The following CKAP5 variants were observed in gnomAD, a reference collection of about 807,000 sequenced individuals.
CKAP5 encodes cytoskeleton-associated protein 5.
CKAP5 carries 27 observed loss-of-function variants against 232.8 expected under a neutral mutation model. That is an observed-to-expected ratio of 0.12 (90% CI 0.09 to 0.16). CKAP5 has a LOEUF of 0.16. Among genes scored for constraint, CKAP5 ranks in the 10% least tolerant of loss-of-function variants. The probability of loss-of-function intolerance (pLI) is 1.00; values close to 1 mark genes in which losing one functional copy is unlikely to be tolerated. For missense variants in CKAP5, 1,838 were observed against 2,424.7 expected, an observed-to-expected ratio of 0.76 and a Z score of 5.08; for synonymous variants, 785 against 841.1, an observed-to-expected ratio of 0.93 and a Z score of 1.16.
rs1440533320 is a variant in CKAP5 at position 46,833,332 on chromosome 11, A to C, written c.-37-12064T>G. Among the ~76,000 whole-genome samples the C allele has an allele frequency of 2.0e-5, 3 of 152,160 alleles. No individual in the cohort carries two copies. The East Asian group carries it at 5.8e-4, about 29-fold the overall frequency. On this transcript the variant is annotated intron_variant, in intron 1 of 43. Transcript: ENST00000529230. Reference sequence around the variant, plus strand: ...GAACAAAAATATGACCCATGTGACCAAATAAGAGAAAGGCTGATTGGAAAG... The same window carrying C: ...GAACAAAAATATGACCCATGTGACCCAATAAGAGAAAGGCTGATTGGAAAG...
chr11:46,760,629 G>A lies in CKAP5; in HGVS notation c.4377C>T (p.Asp1459=), dbSNP rs57477011. ...ANMLRKGPAE[D]MSSKLNQARS... ...CTACATACTTGAGTTTGGAAGACATGTCCTCAGCTGGTCCCTTGCGTAACA... is the reference window on the plus strand; with the variant it reads ...CTACATACTTGAGTTTGGAAGACATATCCTCAGCTGGTCCCTTGCGTAACA... Residue 1459 remains aspartate (D), a synonymous_variant, in exon 33 of 44, where the codon GAC becomes GAT. Transcript: ENST00000529230. The A allele has an allele frequency of 0.016, 25,397 of 1,614,150 alleles. 1,265 individuals are homozygous for A. The highest frequency in any genetic ancestry group is 0.15 in the South Asian group (13,642 of 91,080).
chr11:46,811,966 A>G (rs754757829), intron 4 of CKAP5, among the ~76,000 whole-genome samples: 1 of 152,176 alleles, frequency 6.6e-6, no homozygotes, highest in Non-Finnish European at 1.5e-5. Flanking sequence ...ATCACACTAT[A>G]ACTCTGGGCA....
At chr11:46,769,136 T>C (rs2065227632) in intron 26 of CKAP5, among the ~76,000 whole-genome samples, 2 of 152,118 alleles carry the variant, frequency 1.3e-5, no homozygotes, top group African/African-American at 4.8e-5. Flanking sequence ...GCCAGGCTGA[T>C]CTCAAACTCC....
At chr11:46,745,608 C>T (rs1276870530) in intron 42 of CKAP5, among the ~76,000 whole-genome samples, 2 of 152,110 alleles carry the variant, frequency 1.3e-5, no homozygotes, top group Non-Finnish European at 1.5e-5. Flanking sequence ...TTCTGCACAC[C>T]ACACTTTAAC....
At chr11:46,745,781 C>T (rs1286223475) in intron 42 of CKAP5, among the ~76,000 whole-genome samples, 1 of 151,694 alleles carries the variant, frequency 6.6e-6, no homozygotes, top group Admixed American at 6.6e-5. Context: ...ATGGTGAAAC[C>T]CTCTTAAAAA....
intron 16 of CKAP5, among the ~76,000 whole-genome samples, chr11:46,785,591 C>T (rs1382743700): frequency 6.6e-6 from 1 of 152,192 alleles, no homozygotes; most frequent in Non-Finnish European, 1.5e-5. Flanking sequence ...GATCTCACCT[C>T]AGCCTCTCCA....
chr11:46,819,672 A>G (rs1939483648), intron 2 of CKAP5, among the ~76,000 whole-genome samples: 1 of 152,186 alleles, frequency 6.6e-6, no homozygotes, highest in Non-Finnish European at 1.5e-5. Flanking sequence ...AATTGAATTG[A>G]TTCAATTAAT....
chr11:46,783,219 C>A, intron 18 of CKAP5, 55 bp downstream of exon 18: 1 of 1,028,076 alleles, frequency 9.7e-7, no homozygotes, highest in Non-Finnish European at 1.5e-6. Flanking sequence ...AACAGCACGA[C>A]TTAGAGACTG....
Position 46,755,014 on chromosome 11 carries a change from A to C in CKAP5, c.4743T>G (p.Ile1581Met). The change falls in exon 36 of 44, where the codon ATT becomes ATG. Residue 1581 changes from isoleucine (I) to methionine (M), a missense_variant. This residue lies in a region of CKAP5 where 579 missense variants were observed against 843.2 expected (regional missense o/e 0.69). Coordinates refer to ENST00000529230, the MANE Select transcript of CKAP5 (RefSeq NM_001008938.4). ...EDKAEAMSGH[I>M]DQFLIATFMQ... is the part of the protein sequence containing the mutation. ...TAAAAGTGGCTATCAGAAACTGATC[A>C]ATATGGCCGGACATGGCTTCAGCTT... 1 of 1,613,872 alleles carries C rather than the reference A, an allele frequency of 6.2e-7. No homozygotes were observed. The highest frequency in any genetic ancestry group is 8.5e-7 in the Non-Finnish European group (1 of 1,179,908).
chr11:46,772,556 C>T (rs929230489), intron 24 of CKAP5, among the ~76,000 whole-genome samples: 4 of 152,104 alleles, frequency 2.6e-5, no homozygotes, highest in Non-Finnish European at 5.9e-5. Flanking sequence ...ACTTCCTTCA[C>T]GGACTTATTT....
chr11:46,788,898 A>G (rs2065422073), intron 15 of CKAP5, 125 bp from the exon 16 acceptor site: 2 of 675,696 alleles, frequency 3.0e-6, no homozygotes, highest in South Asian at 3.3e-5. Flanking sequence ...GAGGAGGGTT[A>G]TTGAGGGAGC....
intron 4 of CKAP5, among the ~76,000 whole-genome samples, chr11:46,812,448 T>C (rs1263249279): frequency 6.6e-6 from 1 of 152,236 alleles, no homozygotes; most frequent in African/African-American, 2.4e-5. Context: ...TATTAACATT[T>C]GTGAGTATCA....
intron 16 of CKAP5, among the ~76,000 whole-genome samples, chr11:46,787,355 G>T (rs1196030104): frequency 1.3e-5 from 2 of 152,152 alleles, no homozygotes; most frequent in Non-Finnish European, 1.5e-5. Context: ...AGACTAGCAG[G>T]ATGCCAATAA....
intron 4 of CKAP5, among the ~76,000 whole-genome samples, chr11:46,811,422 T>C (rs1027383268): frequency 3.9e-5 from 6 of 152,172 alleles, no homozygotes; most frequent in African/African-American, 1.4e-4. Context: ...ACAAACTTTC[T>C]AGGTAAGCAG....
chr11:46,791,340 C>T (rs1398080451), intron 13 of CKAP5, among the ~76,000 whole-genome samples: 3 of 151,532 alleles, frequency 2.0e-5, no homozygotes, highest in Non-Finnish European at 4.4e-5. Flanking sequence ...GCCTTGACCT[C>T]CTGGGCTTAA....
intron 38 of CKAP5, among the ~76,000 whole-genome samples, chr11:46,752,193 T>C (rs10838617): frequency 0.55 from 35,392 of 64,204 alleles, 9,873 homozygotes; most frequent in Non-Finnish European, 0.67. Context: ...TATATATATA[T>C]ACACACACAC....
intron 42 of CKAP5, among the ~76,000 whole-genome samples, chr11:46,747,452 C>T (rs1203715427): frequency 2.0e-5 from 3 of 151,304 alleles, no homozygotes; most frequent in African/African-American, 4.8e-5. Context: ...AACTACAAAA[C>T]TTAGCTGGGC....
intron 2 of CKAP5, chr11:46,820,927 T>C (rs1565752553): frequency 2.3e-6 from 1 of 435,478 alleles, no homozygotes; most frequent in African/African-American, 2.1e-5. Flanking sequence ...AACTAGCCAG[T>C]TACTTTTCAT....
rs761271827 is a variant in CKAP5 at position 46,762,711 on chromosome 11, G to C, written c.3943C>G (p.Arg1315Gly). 1 of 1,613,814 alleles carries C rather than the reference G, an allele frequency of 6.2e-7. No individual in the cohort carries two copies. The highest frequency in any genetic ancestry group is 1.1e-5 in the South Asian group (1 of 91,064). ...CTAGCTGGGTAGACAAGGCACATCC[G>C]GTTCAGGATGGCACGAACATCTTTA... ...IRKDVRAILN[R>G]MCLVYPASKM... The change falls in exon 31 of 44, where the codon CGG becomes GGG. Residue 1315 changes from arginine to glycine, a missense_variant. Around this residue, in one of 6 missense-constraint regions of CKAP5, gnomAD observed 579 missense variants for 843.2 expected, o/e 0.69. Coordinates refer to ENST00000529230, the MANE Select transcript of CKAP5 (RefSeq NM_001008938.4).
Sources: gnomAD v4.1 joint callset for allele counts (sites outside exome capture counted in the v4.1 genomes callset) on GRCh38, gnomAD v4.1.1 for gene constraint, gnomAD v4.1.1 regional missense constraint, MANE v1.5 for transcripts, NCBI Gene and HGNC (gene_info 2026-07-23, HGNC 2026-07-21) for gene names.